Variants in SS18L1 observed in about 807,000 individuals in gnomAD.
SS18L1 encodes calcium-responsive transactivator.
In SS18L1, 32 loss-of-function variants were observed where a neutral mutation model predicts 70.3. The observed-to-expected ratio is 0.46, with a 90% CI of 0.34 to 0.61. The LOEUF is 0.61. Among genes scored for constraint, SS18L1 ranks in the 20% least tolerant of loss-of-function variants. SS18L1 has a pLI of 0.01. For missense variants in SS18L1, 430 were observed against 542.1 expected (o/e 0.79, Z 2.05); for synonymous variants, 237 against 229.7 (o/e 1.03, Z -0.29).
rs372618868 is a variant in SS18L1 at position 62,175,942 on chromosome 20, C to T, written c.1164+1298C>T. ...GACACTGTGAGGCCACTGTAGCCGA[C>T]GCAGGGGCCGCCTCTCCCCAGTGTG... On this transcript the variant is annotated intron_variant, in intron 10 of 10. Coordinates refer to ENST00000331758, the MANE Select transcript of SS18L1 (RefSeq NM_198935.3). 4.4e-4 allele frequency among the ~76,000 whole-genome samples: 67 copies of T among 152,360 alleles called. 1 individual carries two copies. The South Asian group carries it at 7.0e-3, about 16-fold the overall frequency.
In SS18L1 at chr20:62,158,514, A is replaced by G. The variant is rs191738126; in HGVS notation, c.70-158A>G. Among the ~76,000 whole-genome samples the G allele has an allele frequency of 8.8e-4, 134 of 152,304 alleles. 1 individual carries two copies. Among genetic ancestry groups the G allele is most frequent in the African/African-American group, 3.1e-3 (127 of 41,570 alleles). ...TAGGGATGCCAAACCGGTGGGTCTAATACAGATATCCCCAAATCTGGAAAA... is the reference window on the plus strand; with the variant it reads ...TAGGGATGCCAAACCGGTGGGTCTAGTACAGATATCCCCAAATCTGGAAAA... On this transcript the variant is annotated intron_variant, in intron 1 of 10. Coordinates refer to ENST00000331758, the MANE Select transcript of SS18L1 (RefSeq NM_198935.3). The surrounding 1 kb of genome is among the most constrained non-coding windows in gnomAD (Gnocchi z 4.5).
chr20:62,143,838 G>C lies in SS18L1; in HGVS notation c.18G>C (p.Ala6=), dbSNP rs781497833. The C allele has an allele frequency of 7.5e-7, 1 of 1,333,698 alleles. No individual in the cohort carries two copies. Among genetic ancestry groups the C allele is most frequent in the Non-Finnish European group, 9.9e-7 (1 of 1,012,020 alleles). The allele number at this position is 1,333,698 out of a possible 1,614,324, so 82.6% of individuals were successfully genotyped here. A position where few individuals can be genotyped will look rare whatever the true frequency, so the allele number is the denominator to read the frequency against. Residue 6 remains alanine, a synonymous_variant, in exon 1 of 11, where the codon GCG becomes GCC. Transcript: ENST00000331758. ...CCGCCACCATGTCCGTGGCCTTCGCGTCTGCCCGGCCAAGAGGCAAAGGGG... is the reference window on the plus strand; with the variant it reads ...CCGCCACCATGTCCGTGGCCTTCGCCTCTGCCCGGCCAAGAGGCAAAGGGG... MSVAF[A]SARPRGKGEV... is the part of the protein sequence containing the mutation.
chr20:62,157,989 T>C (rs2057253733), intron 1 of SS18L1, among the ~76,000 whole-genome samples: 1 of 152,156 alleles, frequency 6.6e-6, no homozygotes, highest in South Asian at 2.1e-4. Flanking sequence ...CTCGATGCCC[T>C]TACCACCTGG....
chr20:62,151,879 C>T (rs1413566379), intron 1 of SS18L1, among the ~76,000 whole-genome samples: 13 of 147,616 alleles, frequency 8.8e-5, no homozygotes, highest in South Asian at 6.6e-4. Context: ...AGCTGGCCTT[C>T]CCCGTTCCCC....
At chr20:62,169,332 A>G (rs1433932382) in intron 8 of SS18L1, among the ~76,000 whole-genome samples, 1 of 152,140 alleles carries the variant, frequency 6.6e-6, no homozygotes, top group Non-Finnish European at 1.5e-5. Context: ...AACAACCAAC[A>G]CAAATGCTTC....
chr20:62,179,051 C>T (rs939883591), intron 10 of SS18L1, 131 bp from the exon 11 acceptor site: 1 of 958,832 alleles, frequency 1.0e-6, no homozygotes, highest in Non-Finnish European at 1.6e-6. Context: ...CGTTCGCTGC[C>T]CCGCAGAGAT....
chr20:62,179,277 G>T lies in SS18L1; in HGVS notation c.*69G>T. The T allele has an allele frequency of 6.4e-7, 1 of 1,574,096 alleles. No individual in the cohort carries two copies. On this transcript the variant is annotated 3_prime_UTR_variant, in exon 11 of 11. Transcript: ENST00000331758. ...CCAGGGGCCGGATGGGCTGGCGGCA[G>T]CTCTGGTGAATTGTGACATGTTGGT...
chr20:62,172,801 G>A lies in SS18L1; in HGVS notation c.1036G>A (p.Gly346Arg). 1.2e-6 allele frequency: 2 copies of A among 1,612,824 alleles called. No individual in the cohort carries two copies. The highest frequency in any genetic ancestry group is 8.5e-7 in the Non-Finnish European group (1 of 1,179,560). The change falls in exon 9 of 11, where the codon GGG becomes AGG. Residue 346 changes from glycine (G) to arginine (R), a missense_variant and splice_region_variant. Gly to Arg is a moderately radical substitution (Grantham distance 125). Transcript: ENST00000331758. The stretch of plus-strand genomic sequence containing the variant: ...CTACCCCGGGCAGCAGCAGGGCTAC[G>A]GTAAGAGGCGAGCACGGTCCTCGGG... ...QSYPGQQQGY[G>R]SAQGAPSQYP...
chr20:62,174,809 C>T lies in SS18L1; in HGVS notation c.1164+165C>T. On this transcript the variant is annotated intron_variant, in intron 10 of 10. Transcript: ENST00000331758. The surrounding 1 kb of genome is among the most constrained non-coding windows in gnomAD (Gnocchi z 4.1). ...AGCCTGTAAGGTTTTGCAGAATTGC[C>T]TCTGTGTATACGCTCACCTCAGTCA... The T allele has an allele frequency of 4.6e-6, 7 of 1,523,190 alleles. No individual in the cohort carries two copies. The highest frequency in any genetic ancestry group is 2.5e-5 in the East Asian group (1 of 40,488). The allele number at this position is 1,523,190 out of a possible 1,614,324, so 94.4% of individuals were successfully genotyped here. A position where few individuals can be genotyped will look rare whatever the true frequency, so the allele number is the denominator to read the frequency against.
At chr20:62,146,808 G>A (rs1161518882) in intron 1 of SS18L1, among the ~76,000 whole-genome samples, 3 of 151,954 alleles carry the variant, frequency 2.0e-5, no homozygotes, top group Admixed American at 1.3e-4. Context: ...TAGTAGAGAC[G>A]GAGTTTCTCT....
chr20:62,150,640 T>A (rs2057112070), intron 1 of SS18L1, among the ~76,000 whole-genome samples: 1 of 66,148 alleles, frequency 1.5e-5, no homozygotes, highest in Non-Finnish European at 2.4e-5. Context: ...TGGATTTTTT[T>A]TTTTTTTTTT....
At chr20:62,175,388 G>C in intron 10 of SS18L1, 1 of 985,410 alleles carries the variant, frequency 1.0e-6, no homozygotes, top group Non-Finnish European at 1.2e-6. Flanking sequence ...GGAGGACAGG[G>C]TCTGTGTGGT....
chr20:62,170,819 G>A (rs2057518128), intron 8 of SS18L1, among the ~76,000 whole-genome samples: 1 of 152,230 alleles, frequency 6.6e-6, no homozygotes. Flanking sequence ...TTCTGAGCTG[G>A]CACTCTCACA....
chr20:62,177,209 C>T (rs1005907397), intron 10 of SS18L1, among the ~76,000 whole-genome samples: 2 of 151,472 alleles, frequency 1.3e-5, no homozygotes, highest in Admixed American at 6.6e-5. Context: ...CAGATAGAGA[C>T]GGAGGTTGCA....
intron 1 of SS18L1, among the ~76,000 whole-genome samples, chr20:62,150,197 C>T (rs1193573582): frequency 6.6e-6 from 1 of 152,262 alleles, no homozygotes; most frequent in Non-Finnish European, 1.5e-5. Context: ...ACCGACTTCA[C>T]GGATTCCACA....
intron 10 of SS18L1, chr20:62,175,464 A>G (rs2145788110): frequency 2.0e-6 from 2 of 984,960 alleles, no homozygotes; most frequent in South Asian, 9.4e-5. Flanking sequence ...AGGGCGTGCC[A>G]AGGTCCTGAG....
At chr20:62,163,653 C>T in intron 6 of SS18L1, 31 bp downstream of exon 6, 1 of 1,519,498 alleles carries the variant, frequency 6.6e-7, no homozygotes. Flanking sequence ...GTCGCGGGCA[C>T]AGCTGACCGC....
In SS18L1 at chr20:62,181,864, A is replaced by G. The variant is rs1332334816; in HGVS notation, c.*2656A>G. On this transcript the variant is annotated 3_prime_UTR_variant, in exon 11 of 11. Transcript: ENST00000331758. The stretch of plus-strand genomic sequence containing the variant: ...GTTTTTTTCTGACTACTTCTATGGA[A>G]GGCCAGTGAAGAAGCAAAGGAAGAC... The G allele has an allele frequency of 4.4e-6, 1 of 227,988 alleles. No individual in the cohort carries two copies. The highest frequency in any genetic ancestry group is 8.7e-6 in the Non-Finnish European group (1 of 114,848). The allele number at this position is 227,988 out of a possible 1,614,324, so 14.1% of individuals were successfully genotyped here.
intron 3 of SS18L1, 150 bp downstream of exon 3, chr20:62,160,111 C>A: frequency 1.3e-6 from 1 of 781,142 alleles, no homozygotes; most frequent in Middle Eastern, 2.5e-4. Context: ...GGAGTGTGGG[C>A]GGTGGTGACC....
Sources: allele counts gnomAD v4.1 joint callset (sites outside exome capture counted in the v4.1 genomes callset), GRCh38; gene constraint gnomAD v4.1.1; non-coding constraint Gnocchi (gnomAD v3.1); transcripts MANE v1.5; gene names NCBI Gene and HGNC (gene_info 2026-07-23, HGNC 2026-07-21).